The following ZNF280D variants were observed in gnomAD, a reference collection of about 807,000 sequenced individuals.
ZNF280D encodes the protein suppressor of hairy wing homolog 4.
ZNF280D carries 39 observed loss-of-function variants against 94.7 expected under a neutral mutation model. The ratio of observed to expected loss-of-function variants is 0.41; its 90% CI spans 0.32 to 0.54. The LOEUF is 0.54. ZNF280D is among the 20% of genes least tolerant of loss of function. The pLI, the probability that ZNF280D is intolerant of heterozygous loss-of-function variation, is 0.22. For synonymous variants in ZNF280D, 398 were observed against 377.6 expected (o/e 1.05, Z -0.63); for missense variants, 1,090 against 1,149.3 (o/e 0.95, Z 0.75).
At chr15:56,645,903 T>G (rs1473830341) in intron 19 of ZNF280D, among the ~76,000 whole-genome samples, 3 of 152,108 alleles carry the variant, frequency 2.0e-5, no homozygotes, top group African/African-American at 7.2e-5. Context: ...CCTTTGAGGT[T>G]TCATTCACAC....
intron 19 of ZNF280D, chr15:56,645,085 A>G (rs1484390239): frequency 2.0e-5 from 3 of 152,232 alleles, no homozygotes; most frequent in African/African-American, 7.2e-5. Context: ...CTTTAAGATT[A>G]ATACTACTAA....
chr15:56,641,131 A>G (rs2052607717), intron 20 of ZNF280D, among the ~76,000 whole-genome samples: 1 of 152,014 alleles, frequency 6.6e-6, no homozygotes, highest in African/African-American at 2.4e-5. Flanking sequence ...TGACTCATGC[A>G]TTTCTCATTT....
At chr15:56,728,063 A>G (rs1435330954) in intron 1 of ZNF280D, among the ~76,000 whole-genome samples, 2 of 151,620 alleles carry the variant, frequency 1.3e-5, no homozygotes, top group Non-Finnish European at 2.9e-5. Flanking sequence ...ACAGGGTCTC[A>G]CTCTGTCACC....
chr15:56,705,034 T>G (rs1003932530), intron 3 of ZNF280D, among the ~76,000 whole-genome samples: 1 of 151,838 alleles, frequency 6.6e-6, no homozygotes, highest in Non-Finnish European at 1.5e-5. Flanking sequence ...GATGCTAGAA[T>G]AGAATATGGA....
chr15:56,721,230 CA>C (rs1278845922), intron 1 of ZNF280D, among the ~76,000 whole-genome samples: 1 of 152,148 alleles, frequency 6.6e-6, no homozygotes, highest in Non-Finnish European at 1.5e-5. Flanking sequence ...CTCCACCTCC[CA>C]AAGTGTTGCG....
At chr15:56,639,248 G>C (rs910700636) in intron 20 of ZNF280D, among the ~76,000 whole-genome samples, 6 of 147,096 alleles carry the variant, frequency 4.1e-5, no homozygotes, top group Non-Finnish European at 7.5e-5. Context: ...AAAACAAAAA[G>C]ATGAAAGGCC....
At chr15:56,724,854 T>A in intron 1 of ZNF280D, 1 of 453,820 alleles carries the variant, frequency 2.2e-6, no homozygotes, top group Non-Finnish European at 4.4e-6. Context: ...TACCTTTTTC[T>A]ATTCAATAAC....
chr15:56,730,634 A>G (rs1260279394), intron 1 of ZNF280D: 1 of 152,208 alleles, frequency 6.6e-6, no homozygotes, highest in African/African-American at 2.4e-5. Flanking sequence ...ACTTTCAAAG[A>G]AGGCAAAGCT....
chr15:56,667,707 A>G (rs1448002913), intron 14 of ZNF280D, among the ~76,000 whole-genome samples: 5 of 152,296 alleles, frequency 3.3e-5, no homozygotes, highest in African/African-American at 9.6e-5. Context: ...CCTATGACAT[A>G]CATGTGCTTG....
chr15:56,641,027 A>T (rs1210762858), intron 20 of ZNF280D, among the ~76,000 whole-genome samples: 1 of 152,080 alleles, frequency 6.6e-6, no homozygotes, highest in Non-Finnish European at 1.5e-5. Context: ...TGAATTTTTT[A>T]TATCTCTATA....
intron 19 of ZNF280D, among the ~76,000 whole-genome samples, chr15:56,651,786 GT>G (rs1278596230): frequency 6.6e-6 from 1 of 151,794 alleles, no homozygotes; most frequent in African/African-American, 2.4e-5. Flanking sequence ...ATTTGTTATT[GT>G]TTTTCCCCCC....
At chr15:56,700,307 G>A (rs753106855) in intron 6 of ZNF280D, 49 of 501,194 alleles carry the variant, frequency 9.8e-5, no homozygotes, top group African/African-American at 8.1e-4. Context: ...CAACCTCTAT[G>A]AGCCTCAGTT....
chr15:56,648,985 T>C (rs2053056530), intron 19 of ZNF280D, among the ~76,000 whole-genome samples: 1 of 152,066 alleles, frequency 6.6e-6, no homozygotes, highest in African/African-American at 2.4e-5. Context: ...GATTTGGCCA[T>C]CTAAAGCTAT....
chr15:56,703,820 C>A (rs945798527), intron 4 of ZNF280D, among the ~76,000 whole-genome samples: 3 of 151,654 alleles, frequency 2.0e-5, no homozygotes, highest in Non-Finnish European at 4.4e-5. Context: ...CATCACTGCA[C>A]TCCAGACTAG....
intron 20 of ZNF280D, among the ~76,000 whole-genome samples, chr15:56,640,295 T>A (rs1380952375): frequency 6.6e-6 from 1 of 152,054 alleles, no homozygotes; most frequent in Non-Finnish European, 1.5e-5. Context: ...TTTTGTTTTG[T>A]TTTTTGTTTT....
chr15:56,675,462 C>A (rs764488710), intron 13 of ZNF280D, among the ~76,000 whole-genome samples: 2 of 151,100 alleles, frequency 1.3e-5, no homozygotes, highest in African/African-American at 4.9e-5. Flanking sequence ...CTATGTTCAA[C>A]AAAACAAACA....
At chr15:56,655,587 CT>C (rs2053500527) in intron 17 of ZNF280D, among the ~76,000 whole-genome samples, 1 of 152,274 alleles carries the variant, frequency 6.6e-6, no homozygotes, top group East Asian at 1.9e-4. Flanking sequence ...GTTATCAATA[CT>C]TTATTTTTGA....
At chr15:56,699,010 C>G (rs1478715049) in intron 6 of ZNF280D, 1 of 152,110 alleles carries the variant, frequency 6.6e-6, no homozygotes, top group East Asian at 1.9e-4. Context: ...TCCTGACCCA[C>G]AGAAATTGTG....
chr15:56,659,634 TG>T (rs1691651515), intron 16 of ZNF280D, among the ~76,000 whole-genome samples: 1 of 152,050 alleles, frequency 6.6e-6, no homozygotes, highest in Admixed American at 6.6e-5. Flanking sequence ...AGGCGTTCAC[TG>T]GGGGGTCTTG....
Sources: allele counts gnomAD v4.1 joint callset (sites outside exome capture counted in the v4.1 genomes callset), GRCh38; gene constraint gnomAD v4.1.1; transcripts MANE v1.5; gene names NCBI Gene and HGNC (gene_info 2026-07-23, HGNC 2026-07-21).